The following PJA2 variants were observed in gnomAD, a reference collection of about 807,000 sequenced individuals.
The protein encoded by PJA2 is praja ring finger ubiquitin ligase 2, also known as E3 ubiquitin-protein ligase Praja-2.
In PJA2, 25 loss-of-function variants were observed where a neutral mutation model predicts 69.3. The observed-to-expected ratio is 0.36, with a 90% CI of 0.26 to 0.50. The LOEUF (loss-of-function observed/expected upper bound fraction) is 0.50. Ranked by LOEUF, PJA2 falls within the 20% of genes least tolerant of loss-of-function variation. The pLI is 0.96. For synonymous variants in PJA2, 308 were observed against 277.8 expected, an observed-to-expected ratio of 1.11 and a Z score of -1.08; for missense variants, 809 against 830.2, an observed-to-expected ratio of 0.97 and a Z score of 0.31.
At chr5:109,351,770 A>C (rs112013177) in intron 7 of PJA2, among the ~76,000 whole-genome samples, 98 of 152,254 alleles carry the variant, frequency 6.4e-4, no homozygotes, top group African/African-American at 2.0e-3. Context: ...AAATGAAAGC[A>C]ACTACTTCCA....
chr5:109,403,371 C>T (rs1208670298), intron 1 of PJA2, among the ~76,000 whole-genome samples: 1 of 151,976 alleles, frequency 6.6e-6, no homozygotes, highest in Non-Finnish European at 1.5e-5. Flanking sequence ...GATAATTGGA[C>T]TTATCCTTTG....
At chr5:109,342,556 C>T (rs1762092473) in intron 9 of PJA2, among the ~76,000 whole-genome samples, 1 of 109,822 alleles carries the variant, frequency 9.1e-6, no homozygotes, top group South Asian at 3.2e-4. Flanking sequence ...GGCCAGCCGC[C>T]CCGTCCGGGA....
In PJA2 at chr5:109,360,591, G is replaced by A. The variant is rs934023326; in HGVS notation, c.1652+2249C>T. Among the ~76,000 whole-genome samples, 5 of 152,198 alleles carry A rather than the reference G, an allele frequency of 3.3e-5. No homozygotes were observed. In the South Asian group the frequency reaches 1.0e-3, roughly 32 times the overall value. ...TTCACCTTATCAACCTTTAGACGCT[G>A]CCACATAAATTAATATAGTACCACA... On this transcript the variant is annotated intron_variant, in intron 6 of 9. Transcript: ENST00000361189.
intron 5 of PJA2, among the ~76,000 whole-genome samples, chr5:109,366,176 C>T (rs1014421444): frequency 2.2e-4 from 25 of 114,918 alleles, no homozygotes; most frequent in African/African-American, 8.3e-4. Flanking sequence ...TGGAAAGAGA[C>T]TTGTGATCTA....
intron 1 of PJA2, among the ~76,000 whole-genome samples, chr5:109,385,756 T>A (rs571872926): frequency 1.2e-4 from 18 of 152,248 alleles, no homozygotes; most frequent in African/African-American, 4.1e-4. Flanking sequence ...AGATTGAGTA[T>A]CCCTTTTCCA....
chr5:109,370,698 G>C (rs1030645594), intron 4 of PJA2, among the ~76,000 whole-genome samples: 3 of 152,116 alleles, frequency 2.0e-5, no homozygotes, highest in Non-Finnish European at 4.4e-5. Flanking sequence ...TTTTAAAGGA[G>C]CTTATTGACC....
chr5:109,356,037 A>AT lies in PJA2; in HGVS notation c.1653-12_1653-11insA, dbSNP rs779487261. On this transcript the variant is annotated splice_polypyrimidine_tract_variant and intron_variant, in intron 6 of 9. Coordinates refer to ENST00000361189, the MANE Select transcript of PJA2 (RefSeq NM_014819.5). ...AAGCCATCAAATAGGCTGAAAAAAA[A>AT]AAAAAATAACAGAAAAAACTCACCA... is the stretch of plus-strand genomic sequence containing the variant. The AT allele has an allele frequency of 5.1e-6, 8 of 1,574,876 alleles. No homozygotes were observed. The highest frequency in any genetic ancestry group is 3.5e-5 in the Admixed American group (2 of 56,570).
intron 5 of PJA2, among the ~76,000 whole-genome samples, chr5:109,368,142 G>C (rs763617959): frequency 1.3e-5 from 2 of 152,100 alleles, no homozygotes; most frequent in Non-Finnish European, 2.9e-5. Context: ...TGATATTTTG[G>C]AGATCTCATC....
chr5:109,406,320 G>T (rs1396598963), intron 1 of PJA2, among the ~76,000 whole-genome samples: 2 of 152,166 alleles, frequency 1.3e-5, no homozygotes, highest in Non-Finnish European at 2.9e-5. Flanking sequence ...GATTACAGGC[G>T]TGAGCCACCG....
intron 1 of PJA2, among the ~76,000 whole-genome samples, chr5:109,407,684 CAA>C (rs1446312705): frequency 5.9e-5 from 9 of 151,844 alleles, no homozygotes; most frequent in African/African-American, 1.7e-4. Context: ...ATAGAAAACT[CAA>C]AAGTTTTGCT....
At chr5:109,340,962 A>G (rs1391297241) in intron 9 of PJA2, among the ~76,000 whole-genome samples, 1 of 133,658 alleles carries the variant, frequency 7.5e-6, no homozygotes, top group Non-Finnish European at 1.7e-5. Flanking sequence ...CCCAGGCTGG[A>G]GTGCAGTGGC....
intron 3 of PJA2, among the ~76,000 whole-genome samples, chr5:109,380,828 G>A (rs1292042116): frequency 1.0e-4 from 13 of 124,082 alleles, no homozygotes; most frequent in Admixed American, 4.9e-4. Context: ...AAAAAAGAAC[G>A]CCAGGCATGG....
At chr5:109,337,848 G>A (rs966809212) in intron 9 of PJA2, among the ~76,000 whole-genome samples, 1 of 152,002 alleles carries the variant, frequency 6.6e-6, no homozygotes, top group African/African-American at 2.4e-5. Context: ...ATTAACGTAG[G>A]TCGATGGCAA....
At position 109,379,336 on chromosome 5, in the gene PJA2, A is replaced by T. The variant is rs1015175476; in HGVS notation, c.233-82T>A. ...TGTAATAACTATCACTTAAGTGGAA[A>T]TCATACCAATTATTACTACTTGAAT... On this transcript the variant is annotated intron_variant, in intron 3 of 9. Transcript: ENST00000361189. 35 of 986,390 alleles carry T rather than the reference A, an allele frequency of 3.5e-5. No individual in the cohort carries two copies. The South Asian group carries it at 5.7e-4, about 16-fold the overall frequency. The allele number at this position is 986,390 out of a possible 1,614,324, so 61.1% of individuals were successfully genotyped here. A position where few individuals can be genotyped will look rare whatever the true frequency, so the allele number is the denominator to read the frequency against.
At chr5:109,362,417 G>A (rs1228000800) in intron 6 of PJA2, among the ~76,000 whole-genome samples, 2 of 137,876 alleles carry the variant, frequency 1.5e-5, no homozygotes, top group African/African-American at 2.7e-5. Context: ...ATTTTACATA[G>A]AGAAGGAAAA....
chr5:109,397,557 T>C (rs1475480703), intron 1 of PJA2, among the ~76,000 whole-genome samples: 1 of 152,026 alleles, frequency 6.6e-6, no homozygotes, highest in East Asian at 1.9e-4. Context: ...CTCGTTCTAT[T>C]GCCCAGACTG....
chr5:109,396,012 A>G (rs1399913848), intron 1 of PJA2, among the ~76,000 whole-genome samples: 1 of 151,798 alleles, frequency 6.6e-6, no homozygotes, highest in East Asian at 1.9e-4. Flanking sequence ...AAAAAAAAAA[A>G]AAGAAAAAAA....
rs181180269 is a variant in PJA2, at chr5:109,395,893, G to A, written c.-87-12373C>T. 2.8e-3 allele frequency among the ~76,000 whole-genome samples: 420 copies of A among 151,910 alleles called. 3 individuals carry two copies. The highest frequency in any genetic ancestry group is 4.5e-3 in the Admixed American group (68 of 15,242). On this transcript the variant is annotated intron_variant, in intron 1 of 9. Coordinates refer to ENST00000361189, the MANE Select transcript of PJA2 (RefSeq NM_014819.5). ...CACATGCCTGTAATCCCAGCTACTCGGGAGGCTGAGGCAGGAGAATCACTT... is the reference window on the plus strand; with the variant it reads ...CACATGCCTGTAATCCCAGCTACTCAGGAGGCTGAGGCAGGAGAATCACTT...
chr5:109,338,606 C>T (rs1443323731), intron 9 of PJA2, among the ~76,000 whole-genome samples: 2 of 139,668 alleles, frequency 1.4e-5, no homozygotes, highest in African/African-American at 5.4e-5. Context: ...CATTGCACTC[C>T]AGCCTGGGCA....
Sources: gnomAD v4.1 joint callset for allele counts (sites outside exome capture counted in the v4.1 genomes callset) on GRCh38, gnomAD v4.1.1 for gene constraint, MANE v1.5 for transcripts, NCBI Gene and HGNC (gene_info 2026-07-23, HGNC 2026-07-21) for gene names.